ANKS1B: variants seen among roughly 807,000 people sequenced by gnomAD.
ANKS1B encodes ankyrin repeat and sterile alpha motif domain containing 1B.
In ANKS1B, 36 loss-of-function variants were observed where a neutral mutation model predicts 148.3. That is an observed-to-expected ratio of 0.24 (90% CI 0.19 to 0.32). ANKS1B has a LOEUF of 0.32. Ranked by LOEUF, ANKS1B falls within the 10% of genes least tolerant of loss-of-function variation. The probability of loss-of-function intolerance (pLI) is 1.00; values close to 1 mark genes in which losing one functional copy is unlikely to be tolerated. For synonymous variants in ANKS1B, 542 were observed against 560.8 expected (o/e 0.97, Z 0.47); for missense variants, 1,157 against 1,542.6 (o/e 0.75, Z 4.19).
At chr12:99,234,400 G>A (rs1466423924) in intron 14 of ANKS1B, among the ~76,000 whole-genome samples, 1 of 152,088 alleles carries the variant, frequency 6.6e-6, no homozygotes, top group African/African-American at 2.4e-5. Context: ...ATTGACTGGT[G>A]CATTTATCAT....
At chr12:99,564,683 A>T (rs2153211231) in intron 9 of ANKS1B, among the ~76,000 whole-genome samples, 2 of 152,236 alleles carry the variant, frequency 1.3e-5, no homozygotes, top group Middle Eastern at 3.4e-3. Flanking sequence ...CCCTTACAAG[A>T]CTAACTTTTT....
In ANKS1B at chr12:99,961,837, T is replaced by A. The variant is rs535307074; in HGVS notation, c.134+22267A>T. 3.9e-5 allele frequency among the ~76,000 whole-genome samples: 6 copies of A among 152,270 alleles called. No homozygotes were observed. The South Asian group carries it at 1.0e-3, about 26-fold the overall frequency. ...TCTGCATGTTCCCTTGTTCTGCTGA[T>A]GAATGTCACAAAATACAAAGTTTAC... On this transcript the variant is annotated intron_variant, in intron 1 of 26. Transcript: ENST00000683438.
intron 9 of ANKS1B, among the ~76,000 whole-genome samples, chr12:99,534,897 G>T (rs2097049078): frequency 6.6e-6 from 1 of 151,816 alleles, no homozygotes; most frequent in South Asian, 2.1e-4. Context: ...TTTTAGTAGA[G>T]ACGGGGTTTC....
At chr12:99,945,015 GC>G (rs1248873253) in intron 1 of ANKS1B, among the ~76,000 whole-genome samples, 1 of 152,106 alleles carries the variant, frequency 6.6e-6, no homozygotes, top group Non-Finnish European at 1.5e-5. Flanking sequence ...GCAAATATGT[GC>G]CAACCACTCT....
At chr12:99,357,070 A>C (rs371871111) in intron 12 of ANKS1B, among the ~76,000 whole-genome samples, 1 of 152,066 alleles carries the variant, frequency 6.6e-6, no homozygotes, top group Non-Finnish European at 1.5e-5. Flanking sequence ...AATCTAGTGA[A>C]GGAATCAAAT....
intron 12 of ANKS1B, among the ~76,000 whole-genome samples, chr12:99,267,656 A>G (rs2076584152): frequency 6.6e-6 from 1 of 152,196 alleles, no homozygotes; most frequent in Admixed American, 6.5e-5. Context: ...AACAAGGTCC[A>G]TTATCTTGAA....
At chr12:99,054,805 C>T (rs998687375) in intron 16 of ANKS1B, among the ~76,000 whole-genome samples, 7 of 152,182 alleles carry the variant, frequency 4.6e-5, no homozygotes, top group Admixed American at 1.3e-4. Context: ...TGGCTTCCTC[C>T]CAAAGTGCTG....
At position 99,140,629 on chromosome 12, in the gene ANKS1B, C is replaced by A. The variant is rs527980850; in HGVS notation, c.2526+13660G>T. On this transcript the variant is annotated intron_variant, in intron 15 of 26. Transcript: ENST00000683438. ...TAGGTATACTGTCTCAATTTGCACACGGAAAACAGATGTTCACGAAGGTTG... is the reference window on the plus strand; with the variant it reads ...TAGGTATACTGTCTCAATTTGCACAAGGAAAACAGATGTTCACGAAGGTTG... Among the ~76,000 whole-genome samples the A allele has an allele frequency of 4.6e-5, 7 of 152,246 alleles. No individual in the cohort carries two copies. The East Asian group carries it at 9.7e-4, about 21-fold the overall frequency.
intron 8 of ANKS1B, among the ~76,000 whole-genome samples, chr12:99,741,015 T>TC (rs1254355900): frequency 1.4e-4 from 22 of 151,936 alleles, no homozygotes; most frequent in Admixed American, 1.2e-3. Flanking sequence ...TCGAGACCAA[T>TC]CTGGCAAAAT....
At chr12:99,908,454 C>T (rs1466345255) in intron 1 of ANKS1B, among the ~76,000 whole-genome samples, 1 of 152,060 alleles carries the variant, frequency 6.6e-6, no homozygotes, top group African/African-American at 2.4e-5. Flanking sequence ...GTGATGTGCA[C>T]CCATTGTCCC....
chr12:98,974,055 C>T (rs923122624), intron 17 of ANKS1B, among the ~76,000 whole-genome samples: 2 of 152,090 alleles, frequency 1.3e-5, no homozygotes, highest in African/African-American at 4.8e-5. Context: ...TATGGAAAGT[C>T]AGAGTTAGAG....
At chr12:99,459,296 G>A (rs1216793972) in intron 10 of ANKS1B, among the ~76,000 whole-genome samples, 1 of 151,838 alleles carries the variant, frequency 6.6e-6, no homozygotes, top group Non-Finnish European at 1.5e-5. Context: ...ACCCACAGCC[G>A]ACATTATACT....
intron 4 of ANKS1B, among the ~76,000 whole-genome samples, chr12:99,794,123 G>A (rs1479235493): frequency 6.6e-6 from 1 of 151,838 alleles, no homozygotes; most frequent in Non-Finnish European, 1.5e-5. Flanking sequence ...GCAAAGAAAT[G>A]TCACCTCACC....
chr12:99,374,185 G>A (rs1446197902), intron 12 of ANKS1B, among the ~76,000 whole-genome samples: 6 of 152,090 alleles, frequency 3.9e-5, no homozygotes, highest in Non-Finnish European at 7.4e-5. Context: ...ATACATAAAT[G>A]AATGGAAAGA....
At chr12:99,064,436 G>A (rs1191288412) in intron 16 of ANKS1B, among the ~76,000 whole-genome samples, 1 of 151,200 alleles carries the variant, frequency 6.6e-6, no homozygotes, top group South Asian at 2.1e-4. Flanking sequence ...TAGCCTAGAA[G>A]CACTAGACTG....
At chr12:99,366,191 G>C (rs1332464451) in intron 12 of ANKS1B, among the ~76,000 whole-genome samples, 10 of 152,226 alleles carry the variant, frequency 6.6e-5, no homozygotes, top group Non-Finnish European at 5.9e-5. Flanking sequence ...GTTAGGAAGG[G>C]AGAAGTCAGG....
At chr12:99,717,093 C>T (rs1001332899) in intron 8 of ANKS1B, among the ~76,000 whole-genome samples, 7 of 152,182 alleles carry the variant, frequency 4.6e-5, no homozygotes, top group African/African-American at 1.4e-4. Flanking sequence ...AATATAAAAA[C>T]TCAGCCCAGT....
At chr12:99,752,427 C>T (rs558613672) in intron 8 of ANKS1B, among the ~76,000 whole-genome samples, 5 of 151,886 alleles carry the variant, frequency 3.3e-5, no homozygotes, top group African/African-American at 9.6e-5. Flanking sequence ...ATGCCTCAGT[C>T]GTTTTTTTTG....
chr12:99,527,968 C>CTATA lies in ANKS1B; in HGVS notation c.1273-23331_1273-23328dup, dbSNP rs533351575. Reference sequence around the variant, plus strand: ...AAGCATCACATTACCTGACTTCAAGCTATATACTACAAGGCTACAGTAACC... The same window carrying CTATA: ...AAGCATCACATTACCTGACTTCAAGCTATATATATACTACAAGGCTACAGTAACC... On this transcript the variant is annotated intron_variant, in intron 9 of 26. Coordinates refer to ENST00000683438, the MANE Select transcript of ANKS1B (RefSeq NM_001352186.2). 2.4e-3 allele frequency among the ~76,000 whole-genome samples: 361 copies of CTATA among 151,664 alleles called. 2 individuals are homozygous for CTATA. The highest frequency in any genetic ancestry group is 8.6e-3 in the African/African-American group (354 of 41,358).
Sources: gnomAD v4.1 joint callset for allele counts (sites outside exome capture counted in the v4.1 genomes callset) on GRCh38, gnomAD v4.1.1 for gene constraint, MANE v1.5 for transcripts, NCBI Gene and HGNC (gene_info 2026-07-23, HGNC 2026-07-21) for gene names.